The following EXD3 variants were observed in gnomAD, a reference collection of about 807,000 sequenced individuals.
EXD3 encodes the protein exonuclease mut-7 homolog.
Under a neutral mutation model 98.0 loss-of-function variants are expected in EXD3, and 92 were observed. That is an observed-to-expected ratio of 0.94 (90% CI 0.79 to 1.12). EXD3 has a LOEUF of 1.12. EXD3 is among the 50% of genes most tolerant of loss of function. The pLI, the probability that EXD3 is intolerant of heterozygous loss-of-function variation, is 0.00. For synonymous variants in EXD3, 569 were observed against 526.0 expected (o/e 1.08, Z -1.12); for missense variants, 1,222 against 1,191.6 (o/e 1.03, Z -0.38).
intron 1 of EXD3, among the ~76,000 whole-genome samples, chr9:137,397,779 C>A (rs1837286098): frequency 6.6e-6 from 1 of 151,884 alleles, no homozygotes; most frequent in Admixed American, 6.6e-5. Flanking sequence ...TCAAACTGTA[C>A]AAAAAAATTA....
intron 1 of EXD3, among the ~76,000 whole-genome samples, chr9:137,411,703 G>A (rs1449523022): frequency 1.4e-5 from 2 of 140,922 alleles, no homozygotes; most frequent in Non-Finnish European, 3.1e-5. Flanking sequence ...GGGTGGGGGA[G>A]GTTGGGGGGA....
Position 137,352,663 on chromosome 9 carries a change from C to A in EXD3, c.994G>T (p.Ala332Ser), listed in dbSNP as rs1256846674. The change falls in exon 11 of 22, where the codon GCT (alanine) becomes TCT (serine). Residue 332 changes from alanine to serine, a missense_variant. By Grantham distance (99) the Ala-to-Ser change is moderately conservative. Coordinates refer to ENST00000340951, the MANE Select transcript of EXD3 (RefSeq NM_017820.5). ...CGGCGGAGTTCCACAGCCACCGCAGCCGGCAGCCGCTCCTCGGGCAGCAAG... is the reference window on the plus strand; with the variant it reads ...CGGCGGAGTTCCACAGCCACCGCAGACGGCAGCCGCTCCTCGGGCAGCAAG... ...ELLLPEERLP[A>S]AVAVELRRFR... 1 of 1,550,240 alleles carries A rather than the reference C, an allele frequency of 6.5e-7. No homozygotes were observed. The highest frequency in any genetic ancestry group is 1.4e-5 in the African/African-American group (1 of 73,212).
intron 3 of EXD3, 25 bp downstream of exon 3, chr9:137,383,288 C>G (rs747970661): frequency 6.5e-7 from 1 of 1,543,090 alleles, no homozygotes; most frequent in Non-Finnish European, 8.8e-7. Flanking sequence ...TGACTTGGCA[C>G]GTGGTGGCTG....
chr9:137,373,401 A>C (rs749391376), intron 4 of EXD3, 25 bp downstream of exon 4: 1 of 1,600,126 alleles, frequency 6.2e-7, no homozygotes, highest in East Asian at 2.2e-5. Flanking sequence ...AAGGGAGGTG[A>C]CTGTCACAGA....
chr9:137,344,346 G>A (rs1040507109), intron 17 of EXD3, among the ~76,000 whole-genome samples: 10 of 152,246 alleles, frequency 6.6e-5, no homozygotes, highest in East Asian at 5.8e-4. Context: ...CAGTTGGGCC[G>A]ATCTAGAGAA....
intron 6 of EXD3, chr9:137,367,608 T>C: frequency 3.4e-6 from 1 of 295,178 alleles, no homozygotes; most frequent in Non-Finnish European, 6.4e-6. Context: ...CAGAGGAGGG[T>C]CCCAGAAGCA....
intron 1 of EXD3, among the ~76,000 whole-genome samples, chr9:137,418,824 G>T (rs750318196): frequency 1.4e-4 from 22 of 151,922 alleles, no homozygotes; most frequent in Non-Finnish European, 2.8e-4. Flanking sequence ...GCTGTCTTTA[G>T]TAGGTCTATT....
In EXD3 at chr9:137,355,479, GGAGGAAGGAGGATGGAGGAA is replaced by G; in HGVS notation, c.758-726_758-707del. On this transcript the variant is annotated intron_variant, in intron 8 of 21. Transcript: ENST00000340951. ...GGAAGGAGAAAGGAGGAAGGAGGAA[GGAGGAAGGAGGATGGAGGAA>G]GGAGGAAGGAGGAAGGAGGAAGGAG... 2.7e-5 allele frequency among the ~76,000 whole-genome samples: 3 copies of G among 110,508 alleles called. 1 individual carries two copies. Among genetic ancestry groups the G allele is most frequent in the East Asian group, 2.4e-4 (1 of 4,122 alleles). 72.5% of individuals were successfully genotyped at this position (110,508 alleles called of 152,430 possible).
rs1837049805 is a variant in EXD3 at position 137,393,539 on chromosome 9, T to C, written c.55+1764A>G. 6.6e-6 allele frequency among the ~76,000 whole-genome samples: 1 copy of C among 152,196 alleles called. No individual in the cohort carries two copies. Among genetic ancestry groups the C allele is most frequent in the African/African-American group, 2.4e-5 (1 of 41,446 alleles). ...AGGTGGCCCCTCCCCGAGCACACGCTGACCTGGCTACATCAGGGAAGGCGA... is the reference window on the plus strand; with the variant it reads ...AGGTGGCCCCTCCCCGAGCACACGCCGACCTGGCTACATCAGGGAAGGCGA... On this transcript the variant is annotated intron_variant, in intron 2 of 21. Transcript: ENST00000340951. The surrounding 1 kb of genome is among the most constrained non-coding windows in gnomAD (Gnocchi z 4.6).
intron 20 of EXD3, among the ~76,000 whole-genome samples, chr9:137,308,737 A>C (rs1831197036): frequency 6.6e-6 from 1 of 151,028 alleles, no homozygotes; most frequent in African/African-American, 2.4e-5. Context: ...CCCAGGTTCA[A>C]GTGATTCTCC....
intron 2 of EXD3, among the ~76,000 whole-genome samples, chr9:137,391,308 C>T (rs1836894177): frequency 6.6e-6 from 1 of 152,254 alleles, no homozygotes; most frequent in South Asian, 2.1e-4. Flanking sequence ...CGTGTCCACA[C>T]TGGGCGGGTG....
chr9:137,409,105 T>G (rs1361860301), intron 1 of EXD3, among the ~76,000 whole-genome samples: 1 of 151,926 alleles, frequency 6.6e-6, no homozygotes, highest in African/African-American at 2.4e-5. Flanking sequence ...GCCCGGGGGG[T>G]GAGGATCCTG....
intron 7 of EXD3, among the ~76,000 whole-genome samples, chr9:137,357,528 T>A (rs1256008591): frequency 6.6e-6 from 1 of 152,020 alleles, no homozygotes; most frequent in East Asian, 1.9e-4. Flanking sequence ...CTGTCCTTCA[T>A]CCACCAAGTT....
In EXD3 at chr9:137,393,190, C is replaced by A. The variant is rs1457801502; in HGVS notation, c.55+2113G>T. 1.4e-6 allele frequency: 1 copy of A among 702,662 alleles called. No individual in the cohort carries two copies. The highest frequency in any genetic ancestry group is 2.7e-5 in the East Asian group (1 of 37,288). The allele number at this position is 702,662 out of a possible 1,614,324, so 43.5% of individuals were successfully genotyped here. A position where few individuals can be genotyped will look rare whatever the true frequency, so the allele number is the denominator to read the frequency against. ...CTGGGGTGTTGCACTTTGAAAACAT[C>A]CCACTCTGCTTAGGTGGAGAAGAGG... On this transcript the variant is annotated intron_variant, in intron 2 of 21. Coordinates refer to ENST00000340951, the MANE Select transcript of EXD3 (RefSeq NM_017820.5). The surrounding 1 kb of genome is among the most constrained non-coding windows in gnomAD (Gnocchi z 4.6).
intron 1 of EXD3, among the ~76,000 whole-genome samples, chr9:137,404,629 G>GGCCGGAGGATC (rs1837632443): frequency 6.6e-6 from 1 of 152,248 alleles, no homozygotes; most frequent in South Asian, 2.1e-4. Flanking sequence ...GGGAGGCCAA[G>GGCCGGAGGATC]GCCGGAGGAT....
intron 21 of EXD3, 115 bp downstream of exon 21, chr9:137,307,493 G>T: frequency 7.2e-7 from 1 of 1,386,962 alleles, no homozygotes; most frequent in Non-Finnish European, 9.7e-7. Flanking sequence ...GCCTACAGGA[G>T]CCCCACAGAG....
At chr9:137,415,070 T>C (rs1057264260) in intron 1 of EXD3, among the ~76,000 whole-genome samples, 1 of 151,982 alleles carries the variant, frequency 6.6e-6, no homozygotes, top group Non-Finnish European at 1.5e-5. Flanking sequence ...GTATTTTTAG[T>C]AGAGACGCGG....
chr9:137,341,188 G>A (rs1588297381), intron 17 of EXD3, among the ~76,000 whole-genome samples: 1 of 152,226 alleles, frequency 6.6e-6, no homozygotes, highest in Admixed American at 6.5e-5. Context: ...GTGGTGGCCT[G>A]TGCCTGTGTT....
intron 1 of EXD3, among the ~76,000 whole-genome samples, chr9:137,408,610 C>T (rs1837852398): frequency 6.6e-6 from 1 of 151,564 alleles, no homozygotes; most frequent in Admixed American, 6.6e-5. Context: ...CCCACACCTC[C>T]CCCCAGCTGC....
Sources: gnomAD v4.1 joint callset for allele counts (sites outside exome capture counted in the v4.1 genomes callset) on GRCh38, gnomAD v4.1.1 for gene constraint, Gnocchi (gnomAD v3.1) non-coding constraint, MANE v1.5 for transcripts, NCBI Gene and HGNC (gene_info 2026-07-23, HGNC 2026-07-21) for gene names.